Variants in LRRC49 observed in about 807,000 individuals in gnomAD.
The protein encoded by LRRC49 is leucine-rich repeat-containing protein 49.
In LRRC49, 50 loss-of-function variants were observed where a neutral mutation model predicts 83.3. The ratio of observed to expected loss-of-function variants is 0.60; its 90% confidence interval spans 0.48 to 0.76. The LOEUF (loss-of-function observed/expected upper bound fraction) is 0.76. Among genes scored for constraint, LRRC49 ranks in the 30% least tolerant of loss-of-function variants. LRRC49 has a pLI of 0.00. For synonymous variants in LRRC49, 286 were observed against 283.3 expected (o/e 1.01, Z -0.10); for missense variants, 704 against 809.1 (o/e 0.87, Z 1.58).
intron 11 of LRRC49, among the ~76,000 whole-genome samples, chr15:70,988,237 G>A (rs1358160682): frequency 1.3e-5 from 2 of 151,062 alleles, no homozygotes; most frequent in Non-Finnish European, 2.9e-5. Context: ...ACAGTGGGGT[G>A]TTAAAGTCTC....
Position 71,051,849 on chromosome 15 carries a change from C to T in LRRC49, c.*2237C>T, listed in dbSNP as rs917420564. ...CCTGCTTCAGGCCTGGTAATAGGGT[C>T]TCTCTCTTGTTCCTGAAACCAAGCC... On this transcript the variant is annotated 3_prime_UTR_variant, in exon 16 of 16. Coordinates refer to ENST00000260382, the MANE Select transcript of LRRC49 (RefSeq NM_017691.5). 6.6e-6 allele frequency: 1 copy of T among 152,366 alleles called. No individual in the cohort carries two copies. Among genetic ancestry groups the T allele is most frequent in the Admixed American group, 6.5e-5 (1 of 15,284 alleles). 9.4% of individuals were successfully genotyped at this position (152,366 alleles called of 1,614,324 possible). A position where few individuals can be genotyped will look rare whatever the true frequency, so the allele number is the denominator to read the frequency against.
chr15:70,868,025 T>C (rs4777321), intron 1 of LRRC49, among the ~76,000 whole-genome samples: 80,686 of 149,636 alleles, frequency 0.54, 22,522 homozygotes, highest in Admixed American at 0.69. Flanking sequence ...TTTTTCCTTC[T>C]CTTTGGCTTG....
At chr15:70,882,227 A>T (rs2033280804) in intron 2 of LRRC49, 1 of 410,740 alleles carries the variant, frequency 2.4e-6, no homozygotes, top group Non-Finnish European at 4.3e-6. Context: ...TACCAAAAGG[A>T]TTAAAAGAAA....
intron 8 of LRRC49, among the ~76,000 whole-genome samples, chr15:70,951,393 G>T (rs1049641096): frequency 2.0e-5 from 3 of 152,076 alleles, no homozygotes; most frequent in African/African-American, 7.2e-5. Flanking sequence ...TTATCCTTGA[G>T]CATGGAATGT....
chr15:71,044,650 G>A (rs577576889), intron 15 of LRRC49, among the ~76,000 whole-genome samples: 2 of 151,972 alleles, frequency 1.3e-5, no homozygotes, highest in African/African-American at 4.8e-5. Context: ...GCTGGGTGTG[G>A]TGGTGCACGC....
At chr15:70,970,593 A>G (rs916219149) in intron 9 of LRRC49, among the ~76,000 whole-genome samples, 3 of 152,112 alleles carry the variant, frequency 2.0e-5, no homozygotes, top group South Asian at 4.1e-4. Flanking sequence ...GGTAGAATTC[A>G]GCTGTGAATC....
At chr15:70,910,780 G>C (rs983838713) in intron 5 of LRRC49, among the ~76,000 whole-genome samples, 2 of 152,148 alleles carry the variant, frequency 1.3e-5, no homozygotes, top group African/African-American at 4.8e-5. Flanking sequence ...TTGGCACCAG[G>C]CACTGTTATG....
At chr15:70,926,972 A>C (rs1040757113) in intron 7 of LRRC49, among the ~76,000 whole-genome samples, 2 of 152,224 alleles carry the variant, frequency 1.3e-5, no homozygotes, top group African/African-American at 2.4e-5. Context: ...ACCAACAGAC[A>C]CATGAAAAAA....
intron 8 of LRRC49, among the ~76,000 whole-genome samples, chr15:70,957,111 G>A (rs1054404573): frequency 1.3e-5 from 2 of 152,090 alleles, no homozygotes; most frequent in Non-Finnish European, 2.9e-5. Flanking sequence ...GTTTAGTTTT[G>A]TGTGTGACAC....
chr15:70,861,914 G>C lies in LRRC49; in HGVS notation c.-299+8445G>C, dbSNP rs111413074. On this transcript the variant is annotated intron_variant, in intron 1 of 16. Coordinates refer to the LRRC49 transcript ENST00000544974. Reference sequence around the variant, plus strand: ...CACTCCAGCCTGGGTGACAGAGTGAGACTCTGTCTTAAAAAGAAAAAATAG... The same window carrying C: ...CACTCCAGCCTGGGTGACAGAGTGACACTCTGTCTTAAAAAGAAAAAATAG... Among the ~76,000 whole-genome samples the C allele has an allele frequency of 7.9e-5, 12 of 152,216 alleles. 1 individual carries two copies. Among genetic ancestry groups the C allele is most frequent in the African/African-American group, 2.9e-4 (12 of 41,530 alleles).
intron 9 of LRRC49, among the ~76,000 whole-genome samples, chr15:70,964,568 T>G (rs2036726389): frequency 6.6e-6 from 1 of 152,136 alleles, no homozygotes. Flanking sequence ...TTTCTACACT[T>G]AGATGTTTTA....
chr15:70,937,357 T>C (rs1473115470), intron 8 of LRRC49, among the ~76,000 whole-genome samples: 1 of 152,182 alleles, frequency 6.6e-6, no homozygotes, highest in African/African-American at 2.4e-5. Context: ...TGAAGCATAT[T>C]ATCCTTTATA....
chr15:70,928,342 A>G (rs543415530), intron 7 of LRRC49, among the ~76,000 whole-genome samples: 1 of 152,278 alleles, frequency 6.6e-6, no homozygotes, highest in Non-Finnish European at 1.5e-5. Context: ...GGTTAAGTCT[A>G]AAAGAGCTCT....
At chr15:70,976,690 TCCC>T in intron 9 of LRRC49, among the ~76,000 whole-genome samples, 1 of 151,728 alleles carries the variant, frequency 6.6e-6, no homozygotes, top group East Asian at 1.9e-4. Context: ...GATCCCAGAT[TCCC>T]CCCCCAACTT....
Position 71,030,419 on chromosome 15 carries a change from C to T in LRRC49, c.1704-6760C>T, listed in dbSNP as rs187045644. On this transcript the variant is annotated intron_variant, in intron 14 of 15. Transcript: ENST00000260382. Reference sequence around the variant, plus strand: ...CTGACGGGCTTCCCTTTGTGGGTAACCTGAGCTTTCTCTCTGGCTGCCCTT... The same window carrying T: ...CTGACGGGCTTCCCTTTGTGGGTAATCTGAGCTTTCTCTCTGGCTGCCCTT... Among the ~76,000 whole-genome samples, 277 of 152,284 alleles carry T rather than the reference C, an allele frequency of 1.8e-3. 2 individuals carry two copies. Among genetic ancestry groups the T allele is most frequent in the African/African-American group, 6.5e-3 (272 of 41,564 alleles).
intron 15 of LRRC49, among the ~76,000 whole-genome samples, chr15:71,044,490 A>T (rs1412782453): frequency 6.6e-6 from 1 of 152,230 alleles, no homozygotes; most frequent in African/African-American, 2.4e-5. Flanking sequence ...TTTTATTTTA[A>T]ACATCATAAG....
In LRRC49 at chr15:70,979,662, A is replaced by T. The variant is rs1293998039; in HGVS notation, c.922-439A>T. 5.3e-5 allele frequency among the ~76,000 whole-genome samples: 8 copies of T among 152,240 alleles called. No individual in the cohort carries two copies. The East Asian group carries it at 1.5e-3, about 29-fold the overall frequency. ...ATTAATATAATTGGAGTTTTAAAAG[A>T]TATTTACCCTGGTTTTTTCATCAAA... On this transcript the variant is annotated intron_variant, in intron 9 of 15. Transcript: ENST00000260382.
upstream of LRRC49, chr15:70,892,609 C>A: frequency 6.9e-7 from 1 of 1,456,148 alleles, no homozygotes. Flanking sequence ...GTGTGGCCAG[C>A]CTCTTCCCCA....
chr15:70,976,106 A>T (rs1376509802), intron 9 of LRRC49, among the ~76,000 whole-genome samples: 5 of 152,204 alleles, frequency 3.3e-5, no homozygotes, highest in Admixed American at 3.3e-4. Flanking sequence ...GTGATCAAGA[A>T]ATAAACTTTT....
Sources: gnomAD v4.1 joint callset for allele counts (sites outside exome capture counted in the v4.1 genomes callset) on GRCh38, gnomAD v4.1.1 for gene constraint, MANE v1.5 for transcripts, NCBI Gene and HGNC (gene_info 2026-07-23, HGNC 2026-07-21) for gene names.